The following ANXA13 variants were observed in gnomAD, a reference collection of about 807,000 sequenced individuals.
The protein encoded by ANXA13 is annexin A13.
A neutral mutation model predicts 46.6 loss-of-function variants in ANXA13; 36 were observed. The observed-to-expected ratio is 0.77, with a 90% confidence interval of 0.59 to 1.02. The LOEUF is 1.02. Among genes scored for constraint, ANXA13 ranks in the 50% least tolerant of loss-of-function variants. The pLI, the probability that ANXA13 is intolerant of heterozygous loss-of-function variation, is 0.00. For synonymous variants in ANXA13, 163 were observed against 152.9 expected, an observed-to-expected ratio of 1.07 and a Z score of -0.49; for missense variants, 417 against 396.5, an observed-to-expected ratio of 1.05 and a Z score of -0.44.
At position 123,712,679 on chromosome 8, in the gene ANXA13, C is replaced by T. The variant is rs2129898935; in HGVS notation, c.90G>A (p.Met30Ile). ...TTAGCAACAAAATATCTCTCATACC[C>T]ATTCCTTTGCAGGCTTTGTTCAGCT... ...AKKLNKACKGMGTNEAAIIEI... is the reference protein window; with the variant it reads ...AKKLNKACKGIGTNEAAIIEI... Residue 30 changes from methionine to isoleucine, a missense_variant and splice_region_variant, in exon 2 of 11, where the codon ATG becomes ATA. By Grantham distance (10) the Met-to-Ile change is conservative. Transcript: ENST00000419625. 1 of 1,614,028 alleles carries T rather than the reference C, an allele frequency of 6.2e-7. No homozygotes were observed. Among genetic ancestry groups the T allele is most frequent in the Non-Finnish European group, 8.5e-7 (1 of 1,179,866 alleles).
At position 123,702,592 on chromosome 8, in the gene ANXA13, C is replaced by T. The variant is rs73703639; in HGVS notation, c.186+50G>A. ...GCCTGGGGACATGAGGAAGCCGAGA[C>T]GGCTGAGGCCATGGCTGGGTGCAAG... On this transcript the variant is annotated intron_variant, in intron 3 of 10. Transcript: ENST00000419625. The T allele has an allele frequency of 3.8e-3, 5,656 of 1,475,340 alleles. 143 individuals carry two copies. The African/African-American group carries it at 0.068, about 18-fold the overall frequency. 91.4% of individuals were successfully genotyped at this position (1,475,340 alleles called of 1,614,324 possible).
In ANXA13 at chr8:123,688,882, T is replaced by C. The variant is rs781474899; in HGVS notation, c.707A>G (p.Tyr236Cys). The part of the protein sequence containing the change: ...EETSGDLQKA[Y>C]LTLVRCAQDC... ...TAACTTTACTTTACCGAGAGTTAAA[T>C]AGGCCTTCTGCAAGTCGCCTGATGT... The change falls in exon 9 of 11, where the codon TAT becomes TGT. Residue 236 changes from tyrosine to cysteine, a missense_variant. Coordinates refer to ENST00000419625, the MANE Select transcript of ANXA13 (RefSeq NM_004306.4). The C allele has an allele frequency of 7.4e-6, 12 of 1,613,820 alleles. No homozygotes were observed. The South Asian group carries it at 8.8e-5, about 12-fold the overall frequency.
intron 1 of ANXA13, among the ~76,000 whole-genome samples, chr8:123,719,740 T>C (rs537945744): frequency 8.4e-4 from 128 of 152,332 alleles, no homozygotes; most frequent in Non-Finnish European, 4.4e-5. Flanking sequence ...TGATTGCATC[T>C]AATCATGACA....
intron 1 of ANXA13, among the ~76,000 whole-genome samples, chr8:123,733,423 A>C (rs1814165369): frequency 6.6e-6 from 1 of 151,966 alleles, no homozygotes; most frequent in Non-Finnish European, 1.5e-5. Flanking sequence ...ATCTGGATCT[A>C]TTTCCCCACT....
Position 123,681,219 on chromosome 8 carries a change from T to C in ANXA13, c.*21A>G, listed in dbSNP as rs1483438610. On this transcript the variant is annotated 3_prime_UTR_variant, in exon 11 of 11. Transcript: ENST00000419625. Reference sequence around the variant, plus strand: ...TTGACAAAGGCGGTTCCACCCTGTGTTCCTATTGCCCTGGCTTGGCTCAGT... The same window carrying C: ...TTGACAAAGGCGGTTCCACCCTGTGCTCCTATTGCCCTGGCTTGGCTCAGT... The C allele has an allele frequency of 3.8e-6, 6 of 1,588,208 alleles. No homozygotes were observed. The highest frequency in any genetic ancestry group is 3.7e-5 in the Admixed American group (2 of 54,714).
chr8:123,691,524 G>A (rs1410469635), intron 8 of ANXA13, among the ~76,000 whole-genome samples: 1 of 152,146 alleles, frequency 6.6e-6, no homozygotes, highest in Non-Finnish European at 1.5e-5. Context: ...CTGCATGCCA[G>A]GGACTAACTG....
intron 2 of ANXA13, 80 bp downstream of exon 2, chr8:123,712,598 C>T: frequency 4.1e-6 from 5 of 1,225,156 alleles, no homozygotes; most frequent in South Asian, 3.7e-5. Flanking sequence ...TGTCAGCTTC[C>T]TAACATCATG....
chr8:123,707,007 T>C (rs1263420713), intron 2 of ANXA13, among the ~76,000 whole-genome samples: 2 of 152,240 alleles, frequency 1.3e-5, no homozygotes, highest in African/African-American at 2.4e-5. Context: ...AGATGAGGCA[T>C]CTCGCCCTCT....
At chr8:123,682,125 A>G (rs1813050695) in intron 10 of ANXA13, among the ~76,000 whole-genome samples, 1 of 152,164 alleles carries the variant, frequency 6.6e-6, no homozygotes, top group Non-Finnish European at 1.5e-5. Context: ...AGAGATGTGG[A>G]ATTAAGCAAT....
intron 9 of ANXA13, among the ~76,000 whole-genome samples, chr8:123,686,469 A>AG: frequency 6.8e-6 from 1 of 147,032 alleles, no homozygotes; most frequent in Non-Finnish European, 1.5e-5. Flanking sequence ...TAAAAAAAAA[A>AG]AAAAGAAAGA....
intron 2 of ANXA13, among the ~76,000 whole-genome samples, chr8:123,710,473 C>A (rs146137370): frequency 6.6e-6 from 1 of 152,284 alleles, no homozygotes; most frequent in African/African-American, 2.4e-5. Flanking sequence ...CTGCATGCTG[C>A]AAAAGGGTGA....
Position 123,684,676 on chromosome 8 carries a change from G to T in ANXA13, c.765C>A (p.Tyr255Ter). The change falls in exon 10 of 11, where the codon TAC becomes TAA. Residue 255 changes from tyrosine (Y) to a stop codon, truncating the protein, a stop_gained. Transcript: ENST00000419625. LOFTEE classifies it high-confidence loss of function. ...CGGTCCCCGCACCCTTCATCGACTTGTACAGACGTTCAGCAAAATAGTCCT... is the reference window on the plus strand; with the variant it reads ...CGGTCCCCGCACCCTTCATCGACTTTTACAGACGTTCAGCAAAATAGTCCT... ...DCEDYFAERL[Y>*]KSMKGAGTDE... 1 of 1,614,164 alleles carries T rather than the reference G, an allele frequency of 6.2e-7. No homozygotes were observed. The highest frequency in any genetic ancestry group is 8.5e-7 in the Non-Finnish European group (1 of 1,180,010).
At chr8:123,731,572 A>G (rs1277983555) in intron 1 of ANXA13, among the ~76,000 whole-genome samples, 1 of 152,186 alleles carries the variant, frequency 6.6e-6, no homozygotes, top group African/African-American at 2.4e-5. Flanking sequence ...AGGCAGGTAT[A>G]CAAAACAGGT....
In ANXA13 at chr8:123,735,886, TA is replaced by T. The variant is rs201099803; in HGVS notation, c.15+1433del. 3,209 of 1,530,872 alleles carry T rather than the reference TA, an allele frequency of 2.1e-3. 1 individual carries two copies. The highest frequency in any genetic ancestry group is 8.6e-3 in the African/African-American group (622 of 71,910). The allele number at this position is 1,530,872 out of a possible 1,614,324, so 94.8% of individuals were successfully genotyped here. A position where few individuals can be genotyped will look rare whatever the true frequency, so the allele number is the denominator to read the frequency against. On this transcript the variant is annotated intron_variant, in intron 1 of 10. Coordinates refer to ENST00000419625, the MANE Select transcript of ANXA13 (RefSeq NM_004306.4). ...AGGGTGTACGACTGGCTCTGAGGATTAAAAAAAAATACATAAAAATGCTGGT... is the reference window on the plus strand; with the variant it reads ...AGGGTGTACGACTGGCTCTGAGGATTAAAAAAAATACATAAAAATGCTGGT...
intron 1 of ANXA13, among the ~76,000 whole-genome samples, chr8:123,715,000 A>G (rs765554678): frequency 1.4e-4 from 21 of 152,244 alleles, no homozygotes; most frequent in Non-Finnish European, 2.9e-4. Context: ...CTCACATTCT[A>G]TAACTAGAGC....
chr8:123,695,265 T>G (rs1813308782), intron 6 of ANXA13, among the ~76,000 whole-genome samples: 8 of 152,162 alleles, frequency 5.3e-5, no homozygotes, highest in Admixed American at 5.2e-4. Context: ...GCCGATTCAT[T>G]TACAAAAAGT....
intron 1 of ANXA13, among the ~76,000 whole-genome samples, chr8:123,734,752 A>G (rs538479609): frequency 6.7e-6 from 1 of 149,960 alleles, no homozygotes; most frequent in East Asian, 1.9e-4. Flanking sequence ...CATGCTGATA[A>G]TAACTTAAAA....
chr8:123,734,451 G>A (rs953801731), intron 1 of ANXA13, among the ~76,000 whole-genome samples: 22 of 152,170 alleles, frequency 1.4e-4, no homozygotes, highest in African/African-American at 2.2e-4. Flanking sequence ...GTGATTTGGC[G>A]GATGATAATG....
At chr8:123,706,118 G>A (rs1002550264) in intron 2 of ANXA13, among the ~76,000 whole-genome samples, 10 of 152,202 alleles carry the variant, frequency 6.6e-5, no homozygotes, top group African/African-American at 2.2e-4. Flanking sequence ...TAGCAGGAGT[G>A]AGTTGCCTGC....
Sources: gnomAD v4.1 joint callset for allele counts (sites outside exome capture counted in the v4.1 genomes callset) on GRCh38, gnomAD v4.1.1 for gene constraint, MANE v1.5 for transcripts, NCBI Gene and HGNC (gene_info 2026-07-23, HGNC 2026-07-21) for gene names.